The following SCFD1 variants were observed in gnomAD, a reference collection of about 807,000 sequenced individuals.
The protein encoded by SCFD1 is sec1 family domain containing 1, also known as sec1 family domain-containing protein 1.
In SCFD1, 37 loss-of-function variants were observed where a neutral mutation model predicts 103.2. The observed-to-expected ratio is 0.36, with a 90% CI of 0.28 to 0.47. The LOEUF (loss-of-function observed/expected upper bound fraction) is 0.47. SCFD1 is among the 20% of genes least tolerant of loss of function. The pLI is 1.00. For missense variants in SCFD1, 639 were observed against 761.2 expected (o/e 0.84, Z 1.89); for synonymous variants, 264 against 245.0 (o/e 1.08, Z -0.73).
intron 23 of SCFD1, among the ~76,000 whole-genome samples, chr14:30,728,182 G>A (rs905727776): frequency 6.6e-6 from 1 of 152,096 alleles, no homozygotes; most frequent in Non-Finnish European, 1.5e-5. Context: ...TTAGTGTTGA[G>A]TCCCCCTTTA....
chr14:30,625,147 A>G (rs987453637), intron 1 of SCFD1, among the ~76,000 whole-genome samples: 2 of 151,922 alleles, frequency 1.3e-5, no homozygotes, highest in African/African-American at 2.4e-5. Context: ...AGGCGATTTT[A>G]TTCACTGTTT....
At chr14:30,704,455 A>G (rs555607331) in intron 17 of SCFD1, among the ~76,000 whole-genome samples, 1 of 152,346 alleles carries the variant, frequency 6.6e-6, no homozygotes, top group South Asian at 2.1e-4. Flanking sequence ...ATATTAAATC[A>G]TATAAATATA....
At chr14:30,639,061 T>C (rs1365581585) in intron 5 of SCFD1, among the ~76,000 whole-genome samples, 1 of 152,234 alleles carries the variant, frequency 6.6e-6, no homozygotes, top group East Asian at 1.9e-4. Context: ...GAACAACTTT[T>C]GTTTTCCTTC....
chr14:30,660,016 A>G (rs1887291418), intron 10 of SCFD1, among the ~76,000 whole-genome samples: 1 of 152,196 alleles, frequency 6.6e-6, no homozygotes, highest in Admixed American at 6.5e-5. Context: ...TTAAAGTTAT[A>G]ATTTTACGCA....
Position 30,700,272 on chromosome 14 carries a change from T to C in SCFD1, c.1410+14T>C. 1 of 1,536,042 alleles carries C rather than the reference T, an allele frequency of 6.5e-7. No homozygotes were observed. Among genetic ancestry groups the C allele is most frequent in the Non-Finnish European group, 9.0e-7 (1 of 1,111,452 alleles). ...GCACCTTCTGAGGTATGTCCTTTATTCAGTTATTGGGAGGAAGGGGAATGC... is the reference window on the plus strand; with the variant it reads ...GCACCTTCTGAGGTATGTCCTTTATCCAGTTATTGGGAGGAAGGGGAATGC... On this transcript the variant is annotated intron_variant, in intron 16 of 24. Transcript: ENST00000458591.
chr14:30,648,909 G>C (rs926041723), intron 7 of SCFD1, among the ~76,000 whole-genome samples: 15 of 151,484 alleles, frequency 9.9e-5, no homozygotes, highest in African/African-American at 3.2e-4. Context: ...AGCAGGTCAA[G>C]GCTAGCCATG....
chr14:30,678,176 G>A (rs1889197795), intron 14 of SCFD1, among the ~76,000 whole-genome samples: 1 of 152,078 alleles, frequency 6.6e-6, no homozygotes, highest in Non-Finnish European at 1.5e-5. Flanking sequence ...GTGTCATGTA[G>A]AGGTCTCAGC....
intron 22 of SCFD1, 93 bp from the exon 23 acceptor site, chr14:30,722,401 A>G (rs1892708762): frequency 1.2e-6 from 1 of 845,264 alleles, no homozygotes; most frequent in African/African-American, 1.8e-5. Context: ...GGCTTAGAAT[A>G]TGACTTTTGG....
rs755196648 is a variant in SCFD1, at chr14:30,639,862, G to A, written c.521G>A (p.Arg174His). 5.1e-6 allele frequency: 8 copies of A among 1,576,196 alleles called. No individual in the cohort carries two copies. The highest frequency in any genetic ancestry group is 1.7e-4 in the Middle Eastern group (1 of 5,886). ...CAAAATAAGGAGCTTGTTTCATATC[G>A]TGGTATGTAAAAATAGAAATGTTGC... ...CNQNKELVSYRAINRPDITDT... is the reference protein window; with the variant it reads ...CNQNKELVSYHAINRPDITDT... Residue 174 changes from arginine to histidine, a missense_variant and splice_region_variant, in exon 6 of 25, where the codon CGT becomes CAT. By Grantham distance (29) the Arg-to-His change is conservative. Transcript: ENST00000458591.
At chr14:30,651,567 CTT>C (rs11410375) in intron 9 of SCFD1, among the ~76,000 whole-genome samples, 1 of 145,728 alleles carries the variant, frequency 6.9e-6, no homozygotes, top group Non-Finnish European at 1.5e-5. Context: ...CTCACCTGAT[CTT>C]TTTTTTTTTT....
intron 10 of SCFD1, among the ~76,000 whole-genome samples, chr14:30,664,340 GGAATA>G (rs529556663): frequency 2.7e-3 from 418 of 152,170 alleles, no homozygotes; most frequent in Non-Finnish European, 4.1e-3. Context: ...CAAGCAGAAA[GGAATA>G]GCATCAACCT....
intron 9 of SCFD1, chr14:30,652,310 A>C (rs990931183): frequency 6.6e-6 from 1 of 152,162 alleles, no homozygotes; most frequent in Non-Finnish European, 1.5e-5. Flanking sequence ...CTGTGCCTCA[A>C]TTTGCTTTCG....
chr14:30,643,988 G>C, intron 7 of SCFD1: 1 of 456,530 alleles, frequency 2.2e-6, no homozygotes, highest in Non-Finnish European at 4.4e-6. Flanking sequence ...ACCTGATAGG[G>C]AGTTTTTTGA....
intron 7 of SCFD1, among the ~76,000 whole-genome samples, chr14:30,644,621 T>C (rs910452627): frequency 3.9e-5 from 6 of 152,224 alleles, no homozygotes; most frequent in South Asian, 2.1e-4. Flanking sequence ...CATTTTTTCA[T>C]ATGCTTGCTG....
chr14:30,638,114 T>C lies in SCFD1; in HGVS notation c.313-11T>C, dbSNP rs765754149. Reference sequence around the variant, plus strand: ...TATCCTATAAGAATAAAGTTTTCATTGTATTGATAGGATCTTCGAAATCAA... The same window carrying C: ...TATCCTATAAGAATAAAGTTTTCATCGTATTGATAGGATCTTCGAAATCAA... On this transcript the variant is annotated splice_polypyrimidine_tract_variant and intron_variant, in intron 4 of 24. Transcript: ENST00000458591. 1.3e-6 allele frequency: 2 copies of C among 1,581,390 alleles called. No homozygotes were observed. Among genetic ancestry groups the C allele is most frequent in the Non-Finnish European group, 1.7e-6 (2 of 1,167,632 alleles).
At chr14:30,731,160 T>C (rs1249236635) in intron 23 of SCFD1, among the ~76,000 whole-genome samples, 1 of 152,208 alleles carries the variant, frequency 6.6e-6, no homozygotes, top group Non-Finnish European at 1.5e-5. Flanking sequence ...CAGATGGTTG[T>C]AGATGTGTGG....
chr14:30,690,676 C>G (rs543371077), intron 14 of SCFD1, among the ~76,000 whole-genome samples: 2 of 148,440 alleles, frequency 1.3e-5, no homozygotes, highest in Non-Finnish European at 1.5e-5. Context: ...GGCTCGCGCA[C>G]GGTGCGCACA....
At position 30,663,483 on chromosome 14, in the gene SCFD1, C is replaced by T. The variant is rs140227411; in HGVS notation, c.856-6773C>T. ...TTTTGTGCAAAGTGAAGTTTAGATA[C>T]GAGGATGGGAAACTGAGAGGATTAA... On this transcript the variant is annotated intron_variant, in intron 10 of 24. Coordinates refer to ENST00000458591, the MANE Select transcript of SCFD1 (RefSeq NM_016106.4). Among the ~76,000 whole-genome samples the T allele has an allele frequency of 5.7e-4, 86 of 152,176 alleles. 1 individual carries two copies. The East Asian group carries it at 0.011, about 20-fold the overall frequency.
intron 14 of SCFD1, among the ~76,000 whole-genome samples, chr14:30,694,494 A>T (rs982707161): frequency 6.6e-6 from 1 of 152,052 alleles, no homozygotes; most frequent in African/African-American, 2.4e-5. Context: ...CAACATAGCA[A>T]AACCCCATCT....
Sources: allele counts gnomAD v4.1 joint callset (sites outside exome capture counted in the v4.1 genomes callset), GRCh38; gene constraint gnomAD v4.1.1; transcripts MANE v1.5; gene names NCBI Gene and HGNC (gene_info 2026-07-23, HGNC 2026-07-21).